The following NBEA variants were observed in gnomAD, a reference collection of about 807,000 sequenced individuals.
NBEA encodes lysosomal-trafficking regulator 2.
In NBEA, 44 loss-of-function variants were observed where a neutral mutation model predicts 343.4. The observed-to-expected ratio is 0.13, with a 90% CI of 0.10 to 0.16. The LOEUF is 0.16. NBEA is among the 10% of genes least tolerant of loss of function. The pLI, the probability that NBEA is intolerant of heterozygous loss-of-function variation, is 1.00. For missense variants in NBEA, 2,555 were observed against 3,631.3 expected (o/e 0.70, Z 7.62); for synonymous variants, 1,175 against 1,238.7 (o/e 0.95, Z 1.08).
chr13:35,537,106 T>G (rs1302606368), intron 41 of NBEA, among the ~76,000 whole-genome samples: 1 of 152,062 alleles, frequency 6.6e-6, no homozygotes, highest in Non-Finnish European at 1.5e-5. Flanking sequence ...TACTATAGAG[T>G]TTCTTTTAAG....
chr13:35,379,898 G>T (rs369460236), intron 38 of NBEA, among the ~76,000 whole-genome samples: 15 of 151,976 alleles, frequency 9.9e-5, no homozygotes, highest in East Asian at 3.9e-4. Flanking sequence ...TTTATACCTG[G>T]TAGTGTAAGC....
At chr13:34,972,035 C>G (rs1259910715) in intron 1 of NBEA, among the ~76,000 whole-genome samples, 2 of 151,968 alleles carry the variant, frequency 1.3e-5, no homozygotes, top group Non-Finnish European at 2.9e-5. Context: ...TTGGTCAGTT[C>G]AGGGATTCAG....
At chr13:35,464,075 T>C (rs1332415226) in intron 40 of NBEA, among the ~76,000 whole-genome samples, 1 of 152,156 alleles carries the variant, frequency 6.6e-6, no homozygotes, top group Non-Finnish European at 1.5e-5. Context: ...GAATTCTTCA[T>C]TTATTATATA....
chr13:35,472,583 G>C lies in NBEA; in HGVS notation c.6585+47G>C, dbSNP rs58310429. 3.4e-3 allele frequency: 5,427 copies of C among 1,612,078 alleles called. 155 individuals carry two copies. The African/African-American group carries it at 0.062, about 18-fold the overall frequency. The stretch of plus-strand genomic sequence containing the variant: ...TACAGTATTGGTGGCTTTGTGGCAG[G>C]AAGTGGTTTTCAATTTTGTTTGGTT... On this transcript the variant is annotated intron_variant, in intron 41 of 58. Transcript: ENST00000379939.
At chr13:35,402,222 C>T (rs769886833) in intron 38 of NBEA, among the ~76,000 whole-genome samples, 4 of 151,802 alleles carry the variant, frequency 2.6e-5, no homozygotes, top group Admixed American at 6.6e-5. Flanking sequence ...TATATAAATA[C>T]ATCTGTTATG....
At chr13:34,995,063 G>A (rs1287512225) in intron 1 of NBEA, among the ~76,000 whole-genome samples, 2 of 152,182 alleles carry the variant, frequency 1.3e-5, no homozygotes, top group Non-Finnish European at 2.9e-5. Context: ...TCTCTGCCCC[G>A]ACCTTCTGGC....
chr13:35,285,178 C>T (rs1363250504), intron 34 of NBEA, among the ~76,000 whole-genome samples: 1 of 151,962 alleles, frequency 6.6e-6, no homozygotes, highest in Non-Finnish European at 1.5e-5. Flanking sequence ...GCCTGTAATC[C>T]CAGCACTTTG....
rs377632016 is a variant in NBEA, at chr13:35,159,018, C to A, written c.2847C>A (p.Val949=). ...VDTLSIAHSK[V]TYEAHKEYLA... Reference sequence around the variant, plus strand: ...TGTTTTCTTTACTTATTCCTAAGGTCACTTATGAAGCTCATAAGGAATACC... The same window carrying A: ...TGTTTTCTTTACTTATTCCTAAGGTAACTTATGAAGCTCATAAGGAATACC... The change falls in exon 22 of 59, where the codon GTC becomes GTA. Residue 949 remains valine, a splice_region_variant and synonymous_variant. Transcript: ENST00000379939. The A allele has an allele frequency of 2.5e-6, 4 of 1,578,244 alleles. No homozygotes were observed. The South Asian group carries it at 3.5e-5, about 14-fold the overall frequency.
intron 36 of NBEA, among the ~76,000 whole-genome samples, chr13:35,335,863 C>T (rs142738668): frequency 3.9e-5 from 6 of 152,052 alleles, no homozygotes; most frequent in Admixed American, 6.6e-5. Context: ...AAAGGCTATT[C>T]GCATGCCGGG....
chr13:35,194,698 A>G lies in NBEA; in HGVS notation c.4928-1166A>G, dbSNP rs375958658. On this transcript the variant is annotated intron_variant, in intron 30 of 58. Transcript: ENST00000379939. ...TCTCCATTATACTTAGATGAGATACACTTTTCAAGGTTATCGTTTAGAATT... is the reference window on the plus strand; with the variant it reads ...TCTCCATTATACTTAGATGAGATACGCTTTTCAAGGTTATCGTTTAGAATT... Among the ~76,000 whole-genome samples the G allele has an allele frequency of 6.6e-4, 101 of 152,218 alleles. 4 individuals are homozygous for G. The South Asian group carries it at 0.02, about 31-fold the overall frequency.
At chr13:35,282,642 A>G (rs1451156425) in intron 34 of NBEA, among the ~76,000 whole-genome samples, 3 of 152,186 alleles carry the variant, frequency 2.0e-5, no homozygotes, top group African/African-American at 4.8e-5. Context: ...TGTTGTGATT[A>G]TATTAGCAAG....
chr13:35,506,714 C>G (rs937153952), intron 41 of NBEA, among the ~76,000 whole-genome samples: 1 of 152,056 alleles, frequency 6.6e-6, no homozygotes, highest in Non-Finnish European at 1.5e-5. Context: ...TAAATAAAGC[C>G]TCAACATGAT....
chr13:35,559,642 G>A (rs1306593801), intron 44 of NBEA, among the ~76,000 whole-genome samples: 4 of 152,002 alleles, frequency 2.6e-5, no homozygotes, highest in South Asian at 4.1e-4. Context: ...TTGGCCGGGC[G>A]CAGTGGCTCA....
intron 39 of NBEA, among the ~76,000 whole-genome samples, chr13:35,438,286 T>C (rs1219611006): frequency 6.6e-6 from 1 of 152,234 alleles, no homozygotes; most frequent in Non-Finnish European, 1.5e-5. Context: ...ATGACCTTGA[T>C]GAATAAAAAG....
At chr13:35,493,727 T>A (rs1425007056) in intron 41 of NBEA, among the ~76,000 whole-genome samples, 4 of 152,100 alleles carry the variant, frequency 2.6e-5, no homozygotes, top group Admixed American at 6.6e-5. Flanking sequence ...TTTCCTGCCC[T>A]GTGTGATGAA....
At chr13:35,156,476 T>C (rs2069181457) in intron 20 of NBEA, among the ~76,000 whole-genome samples, 1 of 152,166 alleles carries the variant, frequency 6.6e-6, no homozygotes, top group Non-Finnish European at 1.5e-5. Context: ...ATATCCCTTT[T>C]AGTGGTACCT....
chr13:35,146,610 G>T (rs533785827), intron 18 of NBEA, among the ~76,000 whole-genome samples: 4 of 152,018 alleles, frequency 2.6e-5, no homozygotes, highest in Non-Finnish European at 5.9e-5. Context: ...CCTTGGCTGG[G>T]ACAGGTATTG....
intron 44 of NBEA, among the ~76,000 whole-genome samples, chr13:35,556,216 TTTAA>T (rs2079565081): frequency 6.6e-6 from 1 of 152,020 alleles, no homozygotes; most frequent in Non-Finnish European, 1.5e-5. Context: ...TGTTATACTA[TTTAA>T]TTAGCACATT....
intron 41 of NBEA, among the ~76,000 whole-genome samples, chr13:35,487,978 G>A (rs1466644261): frequency 6.6e-6 from 1 of 151,578 alleles, no homozygotes; most frequent in African/African-American, 2.4e-5. Flanking sequence ...GAGCTTTTTG[G>A]GCATATCCAT....
Sources: allele counts gnomAD v4.1 joint callset (sites outside exome capture counted in the v4.1 genomes callset), GRCh38; gene constraint gnomAD v4.1.1; transcripts MANE v1.5; gene names NCBI Gene and HGNC (gene_info 2026-07-23, HGNC 2026-07-21).